The following TRAPPC12 variants were observed in gnomAD, a reference collection of about 807,000 sequenced individuals.
TRAPPC12 encodes the protein trafficking protein particle complex subunit 12.
A neutral mutation model predicts 69.2 loss-of-function variants in TRAPPC12; 61 were observed. The ratio of observed to expected loss-of-function variants is 0.88; its 90% confidence interval spans 0.72 to 1.09. TRAPPC12 has a LOEUF of 1.09. TRAPPC12 is among the 50% of genes least tolerant of loss of function. The pLI is 0.00. For missense variants in TRAPPC12, 1,101 were observed against 1,016.4 expected (o/e 1.08, Z -1.13); for synonymous variants, 469 against 438.9 (o/e 1.07, Z -0.86).
intron 2 of TRAPPC12, among the ~76,000 whole-genome samples, chr2:3,397,166 T>C (rs1052973006): frequency 6.6e-6 from 1 of 152,242 alleles, no homozygotes; most frequent in African/African-American, 2.4e-5. Context: ...TGTCTAGCTT[T>C]TTCATCTTCC....
In TRAPPC12 at chr2:3,389,414, G is replaced by C. The variant is rs1260999402; in HGVS notation, c.1047+744G>C. ...GCTCCAACCGCCAGCATAGGAGCAG[G>C]CTTCACACGGGGCTTGTAGCTGGAC... On this transcript the variant is annotated intron_variant, in intron 2 of 11. Coordinates refer to ENST00000324266, the MANE Select transcript of TRAPPC12 (RefSeq NM_016030.6). Among the ~76,000 whole-genome samples, 3 of 152,358 alleles carry C rather than the reference G, an allele frequency of 2.0e-5. No individual in the cohort carries two copies. In the East Asian group the frequency reaches 5.8e-4, roughly 29 times the overall value.
intron 2 of TRAPPC12, among the ~76,000 whole-genome samples, chr2:3,389,337 A>G (rs964707386): frequency 9.2e-5 from 14 of 152,212 alleles, no homozygotes; most frequent in African/African-American, 3.4e-4. Context: ...CTGTGCTCTC[A>G]GCCCCCAGCA....
At chr2:3,431,479 A>G (rs759987910) in intron 5 of TRAPPC12, among the ~76,000 whole-genome samples, 1 of 152,238 alleles carries the variant, frequency 6.6e-6, no homozygotes, top group Non-Finnish European at 1.5e-5. Context: ...TAACTTCATA[A>G]TAACTATTTA....
intron 9 of TRAPPC12, among the ~76,000 whole-genome samples, chr2:3,474,803 A>G (rs1666228549): frequency 6.6e-6 from 1 of 152,204 alleles, no homozygotes; most frequent in Non-Finnish European, 1.5e-5. Flanking sequence ...GTATTCACCT[A>G]AGAATTGCCT....
At chr2:3,399,391 T>C (rs976443368) in intron 2 of TRAPPC12, among the ~76,000 whole-genome samples, 5 of 152,204 alleles carry the variant, frequency 3.3e-5, no homozygotes, top group Admixed American at 3.3e-4. Flanking sequence ...CTGAACTCTT[T>C]TATTTTGCCT....
intron 9 of TRAPPC12, among the ~76,000 whole-genome samples, chr2:3,467,238 C>T (rs901425105): frequency 3.5e-4 from 54 of 152,226 alleles, no homozygotes; most frequent in African/African-American, 1.2e-3. Flanking sequence ...GAGGTGATAG[C>T]GGCGCTGTGG....
intron 8 of TRAPPC12, among the ~76,000 whole-genome samples, chr2:3,464,978 A>C (rs1665725577): frequency 6.6e-6 from 1 of 152,242 alleles, no homozygotes; most frequent in Non-Finnish European, 1.5e-5. Flanking sequence ...GGCAGCTGGC[A>C]CAGCGCTCCT....
At chr2:3,427,687 T>G (rs1368284108) in intron 5 of TRAPPC12, among the ~76,000 whole-genome samples, 1 of 152,088 alleles carries the variant, frequency 6.6e-6, no homozygotes, top group East Asian at 1.9e-4. Flanking sequence ...GGCCAGAAGT[T>G]CGAGACCAGC....
chr2:3,443,806 T>A lies in TRAPPC12; in HGVS notation c.1445T>A (p.Ile482Asn). Reference protein sequence around the residue: ...RGSMVPFSMRILHAELQQYLG... With the variant: ...RGSMVPFSMRNLHAELQQYLG... ...TCCATGGTCCCCTTCTCGATGCGCA[T>A]CTTGCACGCGGAGCTTCAGCAGTAC... The change falls in exon 6 of 12, where the codon ATC (isoleucine) becomes AAC (asparagine). Residue 482 changes from isoleucine (I) to asparagine (N), a missense_variant. Transcript: ENST00000324266. 1.9e-6 allele frequency: 3 copies of A among 1,614,122 alleles called. No homozygotes were observed. Among genetic ancestry groups the A allele is most frequent in the Non-Finnish European group, 2.5e-6 (3 of 1,180,026 alleles).
At chr2:3,399,824 C>T (rs1661333574) in intron 2 of TRAPPC12, among the ~76,000 whole-genome samples, 1 of 142,802 alleles carries the variant, frequency 7.0e-6, no homozygotes, top group South Asian at 2.5e-4. Context: ...CGCCACCGCC[C>T]CGCCGCCAAA....
At chr2:3,402,609 T>TA (rs1350692439) in intron 3 of TRAPPC12, among the ~76,000 whole-genome samples, 2 of 152,102 alleles carry the variant, frequency 1.3e-5, no homozygotes, top group African/African-American at 4.8e-5. Context: ...AAAATAAAAA[T>TA]AAAAAAACAT....
chr2:3,403,837 C>G lies in TRAPPC12; in HGVS notation c.1164+1944C>G, dbSNP rs139832428. Among the ~76,000 whole-genome samples, 1,336 of 152,264 alleles carry G rather than the reference C, an allele frequency of 8.8e-3. 10 individuals carry two copies. Among genetic ancestry groups the G allele is most frequent in the Middle Eastern group, 0.017 (5 of 294 alleles). On this transcript the variant is annotated intron_variant, in intron 3 of 11. Transcript: ENST00000324266. ...CTTTTTTGTTACATCACCTCTGCCT[C>G]TGTATTTGAAAGTGAGGTATAGCCT...
intron 9 of TRAPPC12, among the ~76,000 whole-genome samples, chr2:3,469,922 G>A (rs533166600): frequency 3.3e-5 from 5 of 152,196 alleles, no homozygotes; most frequent in African/African-American, 7.2e-5. Flanking sequence ...GATTGATTTC[G>A]TTTCTCTGAG....
intron 9 of TRAPPC12, 123 bp downstream of exon 9, chr2:3,465,818 A>C: frequency 1.4e-6 from 1 of 734,006 alleles, no homozygotes; most frequent in Non-Finnish European, 2.4e-6. Context: ...TCCAATTCAA[A>C]TGTATGTGAC....
chr2:3,469,748 AG>A (rs1665981066), intron 9 of TRAPPC12, among the ~76,000 whole-genome samples: 2 of 151,840 alleles, frequency 1.3e-5, no homozygotes, highest in Admixed American at 1.3e-4. Context: ...CTCCTGCAAG[AG>A]TAGGAATGTA....
rs1341525855 is a variant in TRAPPC12 at position 3,402,040 on chromosome 2, G to C, written c.1164+147G>C. The C allele has an allele frequency of 1.0e-5, 6 of 585,852 alleles. No homozygotes were observed. In the Admixed American group the frequency reaches 1.1e-4, roughly 11 times the overall value. The allele number at this position is 585,852 out of a possible 1,614,324, so 36.3% of individuals were successfully genotyped here. A position where few individuals can be genotyped will look rare whatever the true frequency, so the allele number is the denominator to read the frequency against. ...TTTTGTTGGAGTAGATGCCAGTCCTGTGCACCAAAAAGCATCATATTAATA... is the reference window on the plus strand; with the variant it reads ...TTTTGTTGGAGTAGATGCCAGTCCTCTGCACCAAAAAGCATCATATTAATA... On this transcript the variant is annotated intron_variant, in intron 3 of 11. Coordinates refer to ENST00000324266, the MANE Select transcript of TRAPPC12 (RefSeq NM_016030.6).
intron 6 of TRAPPC12, among the ~76,000 whole-genome samples, chr2:3,444,705 G>A (rs1664417261): frequency 6.6e-6 from 1 of 152,168 alleles, no homozygotes; most frequent in Non-Finnish European, 1.5e-5. Flanking sequence ...TAACTGTTGT[G>A]GTAGAAGTTT....
At chr2:3,423,678 A>G (rs1662946329) in intron 4 of TRAPPC12, among the ~76,000 whole-genome samples, 1 of 152,190 alleles carries the variant, frequency 6.6e-6, no homozygotes, top group Non-Finnish European at 1.5e-5. Flanking sequence ...GATTTCCTCC[A>G]TGAAAGCTGA....
chr2:3,458,501 C>A, intron 7 of TRAPPC12: 1 of 968,974 alleles, frequency 1.0e-6, no homozygotes, highest in Non-Finnish European at 1.2e-6. Flanking sequence ...CTGGTGTGAG[C>A]TGAACGTGTG....
Sources: gnomAD v4.1 joint callset for allele counts (sites outside exome capture counted in the v4.1 genomes callset) on GRCh38, gnomAD v4.1.1 for gene constraint, MANE v1.5 for transcripts, NCBI Gene and HGNC (gene_info 2026-07-23, HGNC 2026-07-21) for gene names.